The following RNF213 variants were observed in gnomAD, a reference collection of about 807,000 sequenced individuals.
RNF213 encodes E3 ubiquitin-protein ligase RNF213.
In RNF213, 341 loss-of-function variants were observed where a neutral mutation model predicts 514.4. That is an observed-to-expected ratio of 0.66 (90% CI 0.61 to 0.73). The LOEUF (loss-of-function observed/expected upper bound fraction) is 0.73. Among genes scored for constraint, RNF213 ranks in the 30% least tolerant of loss-of-function variants. RNF213 has a pLI of 0.00. For synonymous variants in RNF213, 2,655 were observed against 2,658.2 expected (o/e 1.00, Z 0.04); for missense variants, 5,767 against 6,615.6 (o/e 0.87, Z 4.45).
chr17:80,317,388 G>T lies in RNF213; in HGVS notation c.2901+111G>T. On this transcript the variant is annotated intron_variant, in intron 16 of 67. Transcript: ENST00000582970. The surrounding 1 kb of genome is among the most constrained non-coding windows in gnomAD (Gnocchi z 4.1). ...GCAGTGCCTCTCTGTGGGCAGGGATGGGGTGAATCACAGCTCCGTGTTTCT... is the reference window on the plus strand; with the variant it reads ...GCAGTGCCTCTCTGTGGGCAGGGATTGGGTGAATCACAGCTCCGTGTTTCT... 3 of 935,280 alleles carry T rather than the reference G, an allele frequency of 3.2e-6. No individual in the cohort carries two copies. The highest frequency in any genetic ancestry group is 5.2e-6 in the Non-Finnish European group (3 of 581,988). 57.9% of individuals were successfully genotyped at this position (935,280 alleles called of 1,614,324 possible).
intron 31 of RNF213, among the ~76,000 whole-genome samples, 162 bp downstream of exon 31, chr17:80,350,558 T>C (rs190615385): frequency 7.2e-5 from 11 of 152,262 alleles, no homozygotes; most frequent in Non-Finnish European, 1.5e-4. Flanking sequence ...TTAGGGAAAC[T>C]GAAGAGAGAC....
chr17:80,381,481 A>G, intron 56 of RNF213, 66 bp from the exon 57 acceptor site: 2 of 1,555,828 alleles, frequency 1.3e-6, no homozygotes, highest in Non-Finnish European at 8.9e-7. Context: ...AATGGCCTCT[A>G]CCAGGCTCAC....
chr17:80,285,613 G>A (rs1290556347), intron 3 of RNF213, among the ~76,000 whole-genome samples: 1 of 151,742 alleles, frequency 6.6e-6, no homozygotes, highest in African/African-American at 2.4e-5. Flanking sequence ...TGCTGATGAC[G>A]CCACTCTACA....
rs889134272 is a variant in RNF213 at position 80,396,320 on chromosome 17, G to C, written c.*2822G>C. 7 of 152,194 alleles carry C rather than the reference G, an allele frequency of 4.6e-5. No individual in the cohort carries two copies. Among genetic ancestry groups the C allele is most frequent in the African/African-American group, 1.7e-4 (7 of 41,432 alleles). 9.4% of individuals were successfully genotyped at this position (152,194 alleles called of 1,614,324 possible). A position where few individuals can be genotyped will look rare whatever the true frequency, so the allele number is the denominator to read the frequency against. On this transcript the variant is annotated 3_prime_UTR_variant, in exon 68 of 68. Coordinates refer to ENST00000582970, the MANE Select transcript of RNF213 (RefSeq NM_001256071.3). ...GCAAATTATTTGCCTTTCATGAATA[G>C]TTATGAGACTTTGTGCATGTGTTAA... is the stretch of plus-strand genomic sequence containing the variant.
chr17:80,290,776 G>A, intron 7 of RNF213, 48 bp downstream of exon 7: 2 of 1,608,868 alleles, frequency 1.2e-6, no homozygotes, highest in Non-Finnish European at 1.7e-6. Flanking sequence ...GAAGGCATAG[G>A]ATGCCCAGCC....
At position 80,345,872 on chromosome 17, in the gene RNF213, G is replaced by A; in HGVS notation, c.7537G>A (p.Ala2513Thr). The A allele has an allele frequency of 6.2e-7, 1 of 1,614,162 alleles. No individual in the cohort carries two copies. The highest frequency in any genetic ancestry group is 8.5e-7 in the Non-Finnish European group (1 of 1,180,044). ...TCATATGGTGGATGGCCAGCCTCTG[G>A]CTGAGGACTCTGGCCTGCATATTAT... Reference protein sequence around the residue: ...CDHMVDGQPLAEDSGLHIIAA... With the variant: ...CDHMVDGQPLTEDSGLHIIAA... Residue 2513 changes from alanine to threonine, a missense_variant, in exon 29 of 68, where the codon GCT becomes ACT. Physicochemically the swap from Ala to Thr is moderately conservative, Grantham distance 58 (BLOSUM62 0). Coordinates refer to ENST00000582970, the MANE Select transcript of RNF213 (RefSeq NM_001256071.3). This position sits in a 1 kb window ranked among gnomAD's most constrained non-coding sequence, Gnocchi z 6.0.
rs369925295 is a variant in RNF213, at chr17:80,389,361, G to A, written c.15189G>A (p.Val5063=). The change falls in exon 65 of 68, where the codon GTG becomes GTA. Residue 5063 remains valine, a synonymous_variant. Coordinates refer to ENST00000582970, the MANE Select transcript of RNF213 (RefSeq NM_001256071.3). ...ILQMGDQTIH[V]LKALNRCQLK... is the part of the protein sequence containing the mutation. ...AAATGGGTGATCAGACGATTCACGT[G>A]TTAAAGGTGGGTCTCACACCGAAAA... The A allele has an allele frequency of 2.7e-5, 44 of 1,613,940 alleles. No individual in the cohort carries two copies. In the African/African-American group the frequency reaches 3.3e-4, roughly 12 times the overall value.
At position 80,361,742 on chromosome 17, in the gene RNF213, A is replaced by G. The variant is rs1383383602; in HGVS notation, c.11209A>G (p.Lys3737Glu). ...TGGTTTCCTCTCTGCAGGACTGCCC[A>G]AGAAGTTCGTGGACATCTTTCAGCA... ...QYITDAEGLP[K>E]KFVDIFQQTP... is the part of the protein sequence containing the mutation. The change falls in exon 39 of 68, where the codon AAG (lysine) becomes GAG (glutamate). Residue 3737 changes from lysine (K) to glutamate (E), a missense_variant. Physicochemically the swap from Lys to Glu is moderately conservative, Grantham distance 56. This residue lies in a region of RNF213 where 355 missense variants were observed against 358.0 expected (regional missense o/e 0.99). Transcript: ENST00000582970. 4 of 1,613,548 alleles carry G rather than the reference A, an allele frequency of 2.5e-6. No homozygotes were observed. The highest frequency in any genetic ancestry group is 3.4e-6 in the Non-Finnish European group (4 of 1,179,732).
At position 80,390,174 on chromosome 17, in the gene RNF213, GA is replaced by G; in HGVS notation, c.15449del (p.Glu5150GlyfsTer9). The G allele has an allele frequency of 6.2e-7, 1 of 1,614,036 alleles. No individual in the cohort carries two copies. The highest frequency in any genetic ancestry group is 8.5e-7 in the Non-Finnish European group (1 of 1,179,968). The part of the protein sequence containing the change: ...KLKNPQTQTE[E>X]RFRPQWSLRD... ...AAAGAACCCCCAAACCCAAACCGAG[GA>G]GCGCTTCCGCCCTCAGTGGAGGTAT... On this transcript the variant is annotated frameshift_variant, in exon 67 of 68. Transcript: ENST00000582970. LOFTEE classifies it low-confidence loss of function (END_TRUNC).
intron 15 of RNF213, 55 bp downstream of exon 15, chr17:80,313,222 A>G (rs1288324267): frequency 6.2e-7 from 1 of 1,607,830 alleles, no homozygotes; most frequent in Non-Finnish European, 8.5e-7. Context: ...GTGATTCCTC[A>G]TGGCCTCAAA....
intron 37 of RNF213, among the ~76,000 whole-genome samples, 154 bp from the exon 38 acceptor site, chr17:80,359,907 C>T (rs1192027426): frequency 6.6e-6 from 1 of 152,188 alleles, no homozygotes; most frequent in African/African-American, 2.4e-5. Context: ...TAACAGAAAC[C>T]CTGTACTGTG....
chr17:80,384,657 G>A (rs1482549301), intron 59 of RNF213, among the ~76,000 whole-genome samples: 1 of 152,092 alleles, frequency 6.6e-6, no homozygotes, highest in African/African-American at 2.4e-5. Flanking sequence ...CTAGGTCTTC[G>A]GAAGGACACC....
At position 80,274,171 on chromosome 17, in the gene RNF213, G is replaced by A. The variant is rs116144111; in HGVS notation, c.261+767G>A. Among the ~76,000 whole-genome samples the A allele has an allele frequency of 9.0e-3, 1,374 of 152,188 alleles. 15 individuals carry two copies. The highest frequency in any genetic ancestry group is 0.026 in the African/African-American group (1,096 of 41,524). ...GTGCCCAGAGGGGCTTTGAAGCTTT[G>A]GGTGTGGGGTGGGTGCTCTGGAAAT... On this transcript the variant is annotated intron_variant, in intron 3 of 67. Transcript: ENST00000582970.
At chr17:80,309,706 A>G (rs1020019307) in intron 14 of RNF213, among the ~76,000 whole-genome samples, 3 of 151,700 alleles carry the variant, frequency 2.0e-5, no homozygotes, top group African/African-American at 7.3e-5. Context: ...CCTCCGTCCC[A>G]AAGAAAGCCA....
At chr17:80,358,166 T>C in intron 36 of RNF213, 122 bp from the exon 37 acceptor site, 1 of 747,926 alleles carries the variant, frequency 1.3e-6, no homozygotes, top group Non-Finnish European at 2.3e-6. Context: ...GTCGCTGTAG[T>C]GTGGTAAATA....
At chr17:80,340,413 T>C in intron 26 of RNF213, 57 bp downstream of exon 26, 1 of 1,496,422 alleles carries the variant, frequency 6.7e-7, no homozygotes, top group East Asian at 2.4e-5. Flanking sequence ...CCGGGGCCCT[T>C]CCCCCCTCCA....
At chr17:80,381,814 A>C (rs1599194380) in intron 57 of RNF213, 87 bp downstream of exon 57, 3 of 1,219,020 alleles carry the variant, frequency 2.5e-6, no homozygotes, top group Non-Finnish European at 1.2e-6. Context: ...CACCCCACAC[A>C]CAGCCAGTCT....
Position 80,332,329 on chromosome 17 carries a change from C to G in RNF213, c.3841C>G (p.Pro1281Ala). Residue 1281 changes from proline to alanine, a missense_variant, in exon 21 of 68, where the codon CCT becomes GCT. By Grantham distance (27) the Pro-to-Ala change is conservative (BLOSUM62 -1). Coordinates refer to ENST00000582970, the MANE Select transcript of RNF213 (RefSeq NM_001256071.3). ...LEEVYDYLYQ[P>A]SYRKFIKLHQ... is the part of the protein sequence containing the mutation. ...AGAGGTGTATGACTATTTGTATCAG[C>G]CTTCTTACAGAAAGTTCATTAAGTT... The G allele has an allele frequency of 2.0e-6, 3 of 1,537,182 alleles. No individual in the cohort carries two copies. Among genetic ancestry groups the G allele is most frequent in the Non-Finnish European group, 2.6e-6 (3 of 1,146,912 alleles).
intron 32 of RNF213, chr17:80,352,080 G>A (rs560602175): frequency 7.2e-4 from 226 of 315,434 alleles, no homozygotes; most frequent in African/African-American, 1.2e-3. Context: ...GTCTCAATCC[G>A]TTGACCTCAT....
Sources: gnomAD v4.1 joint callset for allele counts (sites outside exome capture counted in the v4.1 genomes callset) on GRCh38, gnomAD v4.1.1 for gene constraint, gnomAD v4.1.1 regional missense constraint, Gnocchi (gnomAD v3.1) non-coding constraint, MANE v1.5 for transcripts, NCBI Gene and HGNC (gene_info 2026-07-23, HGNC 2026-07-21) for gene names.